The following GHDC variants were observed in gnomAD, a reference collection of about 807,000 sequenced individuals.
GHDC encodes GH3 domain-containing protein.
In GHDC, 39 loss-of-function variants were observed where a neutral mutation model predicts 51.5. That is an observed-to-expected ratio of 0.76 (90% CI 0.59 to 0.99). The LOEUF (loss-of-function observed/expected upper bound fraction) is 0.99. Ranked by LOEUF, GHDC falls within the 50% of genes least tolerant of loss-of-function variation. The pLI is 0.00. For missense variants in GHDC, 610 were observed against 672.8 expected (o/e 0.91, Z 1.03); for synonymous variants, 282 against 305.2 (o/e 0.92, Z 0.79).
chr17:42,192,066 G>A (rs1403824558), intron 5 of GHDC, among the ~76,000 whole-genome samples, 175 bp downstream of exon 5: 1 of 152,180 alleles, frequency 6.6e-6, no homozygotes, highest in Non-Finnish European at 1.5e-5. Flanking sequence ...CCAGCTACAA[G>A]ACTCTTAACC....
chr17:42,192,611 C>G lies in GHDC; in HGVS notation c.519G>C (p.Gln173His). ...PLPWPGNTLG[Q>H]VGTPGTKDPR... ...GGTCCTTGGTTCCAGGGGTGCCCACCTGGCCCAGGGTATTCCCAGGCCAAG... is the reference window on the plus strand; with the variant it reads ...GGTCCTTGGTTCCAGGGGTGCCCACGTGGCCCAGGGTATTCCCAGGCCAAG... Residue 173 changes from glutamine to histidine, a missense_variant, in exon 5 of 10, where the codon CAG becomes CAC. Physicochemically the swap from Gln to His is conservative, Grantham distance 24 (BLOSUM62 0). Transcript: ENST00000587427. 6.2e-7 allele frequency: 1 copy of G among 1,613,518 alleles called. No individual in the cohort carries two copies. Among genetic ancestry groups the G allele is most frequent in the Non-Finnish European group, 8.5e-7 (1 of 1,179,964 alleles).
In GHDC at chr17:42,193,458, C is replaced by A; in HGVS notation, c.124G>T (p.Gly42Trp). Residue 42 changes from glycine (G) to tryptophan (W), a missense_variant, in exon 3 of 10, where the codon GGG becomes TGG. This residue lies in a region of GHDC where 198 missense variants were observed against 262.3 expected (regional missense o/e 0.75). Transcript: ENST00000587427. Reference protein sequence around the residue: ...LAGLQHRVAWGALVWAATWQR... With the variant: ...LAGLQHRVAWWALVWAATWQR... The stretch of plus-strand genomic sequence containing the variant: ...CAGGTGGCTGCCCAGACCAGGGCCC[C>A]CCATGCCACTCGGTGCTGGAGGCCA... The A allele has an allele frequency of 6.4e-7, 1 of 1,556,676 alleles. No individual in the cohort carries two copies. Among genetic ancestry groups the A allele is most frequent in the Non-Finnish European group, 8.7e-7 (1 of 1,150,196 alleles).
In GHDC at chr17:42,192,714, T is replaced by C. The variant is rs1459263725; in HGVS notation, c.416A>G (p.Asn139Ser). 7 of 1,552,112 alleles carry C rather than the reference T, an allele frequency of 4.5e-6. No homozygotes were observed. The highest frequency in any genetic ancestry group is 6.1e-6 in the Non-Finnish European group (7 of 1,151,258). The change falls in exon 5 of 10, where the codon AAC becomes AGC. Residue 139 changes from asparagine (N) to serine (S), a missense_variant. Around this residue, in one of 2 missense-constraint regions of GHDC, gnomAD observed 198 missense variants for 262.3 expected, o/e 0.75. Coordinates refer to ENST00000587427, the MANE Select transcript of GHDC (RefSeq NM_032484.5). ...AGCCAGCACTTCTGGGTAGGCCTTG[T>C]TTAGGGCTGCCAGACCCAGCAAGGT... ...QATLLGLAAL[N>S]KAYPEVLAQG...
chr17:42,190,848 C>T lies in GHDC; in HGVS notation c.1138G>A (p.Val380Ile), dbSNP rs370923206. The T allele has an allele frequency of 8.1e-5, 130 of 1,612,894 alleles. 1 individual carries two copies. Among genetic ancestry groups the T allele is most frequent in the Non-Finnish European group, 1.0e-4 (123 of 1,179,722 alleles). Residue 380 changes from valine (V) to isoleucine (I), a missense_variant, in exon 7 of 10, where the codon GTC (valine) becomes ATC (isoleucine). Val to Ile is a conservative substitution (Grantham distance 29). Around this residue, in one of 2 missense-constraint regions of GHDC, gnomAD observed 412 missense variants for 410.4 expected, o/e 1.00. Transcript: ENST00000587427. ...GTCACCTACCTGCAGATGAACCTGA[C>T]GACTGGACACTGATTGTAGGCACCA... ...VVGAYNQCPV[V>I]RFICRLDQTL...
At position 42,189,647 on chromosome 17, in the gene GHDC, A is replaced by C; in HGVS notation, c.*56T>G. ...AGGACTCCCCATCCGGAGAGGTCCC[A>C]GAGGGAGGGGCGAGGTGGCCTCTGG... is the stretch of plus-strand genomic sequence containing the variant. On this transcript the variant is annotated 3_prime_UTR_variant, in exon 10 of 10. Transcript: ENST00000587427. 1 of 916,982 alleles carries C rather than the reference A, an allele frequency of 1.1e-6. No homozygotes were observed. The allele number at this position is 916,982 out of a possible 1,614,324, so 56.8% of individuals were successfully genotyped here.
rs1242570074 is a variant in GHDC, at chr17:42,193,585, C to G, written c.-4G>C. 8 of 1,532,546 alleles carry G rather than the reference C, an allele frequency of 5.2e-6. 1 individual carries two copies. The South Asian group carries it at 9.6e-5, about 18-fold the overall frequency. The allele number at this position is 1,532,546 out of a possible 1,614,324, so 94.9% of individuals were successfully genotyped here. ...GCAGCAGTGGCCACAGCAGCATCTC[C>G]AAGCAGCTCCTGGGAAGAGGAAGGA... On this transcript the variant is annotated 5_prime_UTR_variant, in exon 3 of 10. Coordinates refer to ENST00000587427, the MANE Select transcript of GHDC (RefSeq NM_032484.5).
Position 42,189,769 on chromosome 17 carries a change from AG to A in GHDC, c.1526del (p.Pro509LeufsTer55), listed in dbSNP as rs2079952792. ...LAACPSSPFP[P>X]AMPRVLRHRH... ...TGTGCCGAAGGACCCGGGGCATCGC[AG>A]GGGGGAAGGGGGAGGAGGGGCAGGC... On this transcript the variant is annotated frameshift_variant, in exon 10 of 10. Coordinates refer to ENST00000587427, the MANE Select transcript of GHDC (RefSeq NM_032484.5). LOFTEE classifies it high-confidence loss of function. 7.8e-6 allele frequency: 12 copies of A among 1,530,000 alleles called. No individual in the cohort carries two copies. Among genetic ancestry groups the A allele is most frequent in the Middle Eastern group, 2.4e-4 (1 of 4,172 alleles). The allele number at this position is 1,530,000 out of a possible 1,614,324, so 94.8% of individuals were successfully genotyped here. A position where few individuals can be genotyped will look rare whatever the true frequency, so the allele number is the denominator to read the frequency against.
intron 8 of GHDC, 176 bp from the exon 9 acceptor site, chr17:42,190,446 G>T: frequency 6.9e-7 from 1 of 1,453,672 alleles, no homozygotes; most frequent in Non-Finnish European, 9.2e-7. Flanking sequence ...ATAGGAGACA[G>T]ATCAGGAAAG....
At position 42,189,573 on chromosome 17, in the gene GHDC, G is replaced by A. The variant is rs545681446; in HGVS notation, c.*130C>T. ...GGCCAAGGCCTCTCTAAGGCCCAGCGGCTCTCATGGGCAAATGTCAGGTGA... is the reference window on the plus strand; with the variant it reads ...GGCCAAGGCCTCTCTAAGGCCCAGCAGCTCTCATGGGCAAATGTCAGGTGA... On this transcript the variant is annotated 3_prime_UTR_variant, in exon 10 of 10. Coordinates refer to ENST00000587427, the MANE Select transcript of GHDC (RefSeq NM_032484.5). The A allele has an allele frequency of 5.9e-5, 30 of 504,532 alleles. No homozygotes were observed. In the East Asian group the frequency reaches 6.4e-4, roughly 11 times the overall value. The allele number at this position is 504,532 out of a possible 1,614,324, so 31.3% of individuals were successfully genotyped here. A position where few individuals can be genotyped will look rare whatever the true frequency, so the allele number is the denominator to read the frequency against.
intron 5 of GHDC, among the ~76,000 whole-genome samples, 196 bp from the exon 6 acceptor site, chr17:42,191,406 G>A (rs2079968009): frequency 6.6e-6 from 1 of 152,136 alleles, no homozygotes. Context: ...GAGTGCTGTG[G>A]TCCTGGAGGG....
In GHDC at chr17:42,192,393, T is replaced by G. The variant is rs1301665987; in HGVS notation, c.737A>C (p.Gln246Pro). 1.2e-6 allele frequency: 2 copies of G among 1,612,940 alleles called. No individual in the cohort carries two copies. The highest frequency in any genetic ancestry group is 1.7e-6 in the Non-Finnish European group (2 of 1,179,918). ...CCGAAGGGCCAGTCCCCGTGGCCCC[T>G]GCTCTAGGGCCTCCCGGAGCTCAGC... ...RAAELREALEQGPRGLALRLW... is the reference protein window; with the variant it reads ...RAAELREALEPGPRGLALRLW... Residue 246 changes from glutamine (Q) to proline (P), a missense_variant, in exon 5 of 10, where the codon CAG becomes CCG. By Grantham distance (76) the Gln-to-Pro change is moderately conservative. Coordinates refer to ENST00000587427, the MANE Select transcript of GHDC (RefSeq NM_032484.5).
In GHDC at chr17:42,191,156, G is replaced by A. The variant is rs776280440; in HGVS notation, c.944C>T (p.Pro315Leu). The change falls in exon 6 of 10, where the codon CCC (proline) becomes CTC (leucine). Residue 315 changes from proline to leucine, a missense_variant. Coordinates refer to ENST00000587427, the MANE Select transcript of GHDC (RefSeq NM_032484.5). ...CAGCTCGATAAAGGGGGCCCCAGGG[G>A]GCAGAAGGTAGAGCCCATGGGGCTG... ...PEQPHGLYLLPPGAPFIELLP... is the reference protein window; with the variant it reads ...PEQPHGLYLLLPGAPFIELLP... The A allele has an allele frequency of 2.3e-5, 36 of 1,553,270 alleles. No homozygotes were observed. Among genetic ancestry groups the A allele is most frequent in the Non-Finnish European group, 2.9e-5 (34 of 1,153,528 alleles).
intron 3 of GHDC, 139 bp from the exon 4 acceptor site, chr17:42,193,166 C>G: frequency 6.5e-7 from 1 of 1,540,278 alleles, no homozygotes; most frequent in South Asian, 1.2e-5. Context: ...ATGGGAAATT[C>G]ATCTTGGACA....
In GHDC at chr17:42,191,238, G is replaced by A. The variant is rs200828116; in HGVS notation, c.890-28C>T. ...GTGAAAGCAAAGCAGCCTCCTCAGC[G>A]TCTGCTGGTGCCATCGCTTTCTGCC... On this transcript the variant is annotated intron_variant, in intron 5 of 9. Coordinates refer to ENST00000587427, the MANE Select transcript of GHDC (RefSeq NM_032484.5). 134 of 1,473,172 alleles carry A rather than the reference G, an allele frequency of 9.1e-5. No homozygotes were observed. In the East Asian group the frequency reaches 2.4e-3, roughly 26 times the overall value. 91.3% of individuals were successfully genotyped at this position (1,473,172 alleles called of 1,614,324 possible).
Position 42,190,733 on chromosome 17 carries a change from T to C in GHDC, c.1179A>G (p.Arg393=), listed in dbSNP as rs1376782965. The change falls in exon 8 of 10, where the codon CGA becomes CGG. Residue 393 remains arginine (R), a synonymous_variant. Transcript: ENST00000587427. ...ACAGGTCTTCACCAATATCTTCCCC[T>C]CGCACACTCAGGGTCTGGTCCAGCC... The part of the protein sequence containing the change: ...ICRLDQTLSV[R]GEDIGEDLFS... 1 of 1,614,024 alleles carries C rather than the reference T, an allele frequency of 6.2e-7. No individual in the cohort carries two copies. Among genetic ancestry groups the C allele is most frequent in the Non-Finnish European group, 8.5e-7 (1 of 1,179,992 alleles).
In GHDC at chr17:42,192,246, G is replaced by A. The variant is rs144884315; in HGVS notation, c.884C>T (p.Ser295Leu). 9.8e-6 allele frequency: 15 copies of A among 1,533,042 alleles called. No homozygotes were observed. Among genetic ancestry groups the A allele is most frequent in the African/African-American group, 2.8e-5 (2 of 72,476 alleles). 95.0% of individuals were successfully genotyped at this position (1,533,042 alleles called of 1,614,324 possible). The change falls in exon 5 of 10, where the codon TCG (serine) becomes TTG (leucine). Residue 295 changes from serine (S) to leucine (L), a missense_variant. Ser to Leu is a moderately radical substitution (Grantham distance 145). Around this residue, in one of 2 missense-constraint regions of GHDC, gnomAD observed 412 missense variants for 410.4 expected, o/e 1.00. Coordinates refer to ENST00000587427, the MANE Select transcript of GHDC (RefSeq NM_032484.5). ...LAFFSPAYAA[S>L]GGVLGLNLQP... is the part of the protein sequence containing the mutation. ...TGCCCTTGAGTCCCACTGACCTCCC[G>A]AGGCAGCATAAGCAGGAGAGAAGAA...
chr17:42,189,442 A>C lies in GHDC; in HGVS notation c.*261T>G. 2.5e-6 allele frequency: 1 copy of C among 397,348 alleles called. No homozygotes were observed. Among genetic ancestry groups the C allele is most frequent in the Non-Finnish European group, 4.4e-6 (1 of 225,768 alleles). The allele number at this position is 397,348 out of a possible 1,614,324, so 24.6% of individuals were successfully genotyped here. On this transcript the variant is annotated 3_prime_UTR_variant, in exon 10 of 10. Transcript: ENST00000587427. ...GTGATACAGGAAACCATCGGTGTGC[A>C]TGGTAACTCTCTAGCAGTGTCCTTC...
In GHDC at chr17:42,189,802, G is replaced by T; in HGVS notation, c.1494C>A (p.Ala498=). ...GQGAFRALRA[A]LAACPSSPFP... ...AGGGGGAGGAGGGGCAGGCAGCGAG[G>T]GCTGCCCGGAGTGCTCGGAAGGCTC... Residue 498 remains alanine, a synonymous_variant, in exon 10 of 10, where the codon GCC becomes GCA. Transcript: ENST00000587427. 1 of 1,554,202 alleles carries T rather than the reference G, an allele frequency of 6.4e-7. No homozygotes were observed. The highest frequency in any genetic ancestry group is 2.4e-5 in the East Asian group (1 of 42,284).
In GHDC at chr17:42,190,260, C is replaced by G; in HGVS notation, c.1299G>C (p.Ala433=). Reference sequence around the variant, plus strand: ...ACACCTCGTAGTGGGGAGCAGAGCCCGCAGAGGAATCTGTGAATAGACCCC... The same window carrying G: ...ACACCTCGTAGTGGGGAGCAGAGCCGGCAGAGGAATCTGTGAATAGACCCC... ...CVESSILDSS[A]GSAPHYEVFV... Residue 433 remains alanine, a synonymous_variant, in exon 9 of 10, where the codon GCG becomes GCC. Coordinates refer to ENST00000587427, the MANE Select transcript of GHDC (RefSeq NM_032484.5). 6.2e-7 allele frequency: 1 copy of G among 1,614,184 alleles called. No homozygotes were observed. Among genetic ancestry groups the G allele is most frequent in the Non-Finnish European group, 8.5e-7 (1 of 1,180,034 alleles).
Sources: allele counts gnomAD v4.1 joint callset (sites outside exome capture counted in the v4.1 genomes callset), GRCh38; gene constraint gnomAD v4.1.1; regional missense constraint gnomAD v4.1.1; transcripts MANE v1.5; gene names NCBI Gene and HGNC (gene_info 2026-07-23, HGNC 2026-07-21).